FSHR: variants seen among roughly 807,000 people sequenced by gnomAD.
The protein encoded by FSHR is follicle stimulating hormone receptor, also known as follicle-stimulating hormone receptor.
In FSHR, 46 loss-of-function variants were observed where a neutral mutation model predicts 52.1. The ratio of observed to expected loss-of-function variants is 0.88; its 90% CI spans 0.70 to 1.13. FSHR has a LOEUF of 1.13. Among genes scored for constraint, FSHR ranks in the 50% most tolerant of loss-of-function variants. The pLI, the probability that FSHR is intolerant of heterozygous loss-of-function variation, is 0.00. For synonymous variants in FSHR, 399 were observed against 309.6 expected (o/e 1.29, Z -3.03); for missense variants, 964 against 834.6 (o/e 1.16, Z -1.91).
intron 4 of FSHR, among the ~76,000 whole-genome samples, chr2:49,004,884 C>T (rs1667024706): frequency 6.6e-6 from 1 of 152,058 alleles, no homozygotes; most frequent in South Asian, 2.1e-4. Flanking sequence ...AAGGCATATC[C>T]TATGAAAATA....
At chr2:49,064,684 C>T (rs1031143405) in intron 2 of FSHR, among the ~76,000 whole-genome samples, 24 of 152,164 alleles carry the variant, frequency 1.6e-4, no homozygotes, top group Admixed American at 9.2e-4. Context: ...AGACGTGTAA[C>T]GAGGTAAAAA....
At chr2:48,968,975 A>T (rs1674609627) in intron 8 of FSHR, 92 bp from the exon 9 acceptor site, 1 of 1,101,218 alleles carries the variant, frequency 9.1e-7, no homozygotes. Context: ...CACACTAGTG[A>T]TATTCTTACA....
intron 4 of FSHR, among the ~76,000 whole-genome samples, chr2:49,000,676 G>A (rs1370699440): frequency 1.3e-5 from 2 of 152,140 alleles, no homozygotes; most frequent in African/African-American, 2.4e-5. Flanking sequence ...GAAAGCTGTA[G>A]ATTTTTCCCT....
intron 2 of FSHR, among the ~76,000 whole-genome samples, chr2:49,062,276 G>A (rs917333050): frequency 3.3e-5 from 5 of 152,088 alleles, no homozygotes; most frequent in Non-Finnish European, 5.9e-5. Context: ...TTATAGTGAA[G>A]TGATTTTCAA....
At chr2:49,133,119 A>G (rs1672352802) in intron 1 of FSHR, among the ~76,000 whole-genome samples, 1 of 152,062 alleles carries the variant, frequency 6.6e-6, no homozygotes, top group Admixed American at 6.5e-5. Flanking sequence ...CTAGCTCCTA[A>G]CTATAGGACT....
chr2:49,093,209 T>A (rs1670679474), intron 1 of FSHR, among the ~76,000 whole-genome samples: 1 of 152,190 alleles, frequency 6.6e-6, no homozygotes, highest in Non-Finnish European at 1.5e-5. Flanking sequence ...TCAATTAGAT[T>A]TAGTTGGCTG....
chr2:49,060,810 C>T (rs1669261486), intron 2 of FSHR, among the ~76,000 whole-genome samples: 1 of 152,026 alleles, frequency 6.6e-6, no homozygotes. Flanking sequence ...ATCCATGTAC[C>T]CACTCCCCCC....
intron 1 of FSHR, among the ~76,000 whole-genome samples, chr2:49,120,094 G>A (rs868167599): frequency 1.3e-5 from 2 of 152,000 alleles, no homozygotes; most frequent in Non-Finnish European, 2.9e-5. Context: ...ACATGGTGAC[G>A]CCCCATCTCT....
chr2:49,102,593 G>T (rs1671072610), intron 1 of FSHR, among the ~76,000 whole-genome samples: 1 of 152,150 alleles, frequency 6.6e-6, no homozygotes, highest in Admixed American at 6.6e-5. Context: ...AGAATGATGT[G>T]CTCTGAAAGT....
In FSHR at chr2:49,072,113, T is replaced by G. The variant is rs72822010; in HGVS notation, c.153-3823A>C. ...GAAAATTAGTATTAAAAAATTACTT[T>G]CTTTGATGATGATGCTATTAAATTA... On this transcript the variant is annotated intron_variant, in intron 1 of 9. Transcript: ENST00000406846. 6.3e-3 allele frequency among the ~76,000 whole-genome samples: 958 copies of G among 152,296 alleles called. 8 individuals carry two copies. The highest frequency in any genetic ancestry group is 0.01 in the Non-Finnish European group (684 of 68,028).
intron 1 of FSHR, among the ~76,000 whole-genome samples, chr2:49,138,858 G>GT (rs968044053): frequency 5.8e-4 from 88 of 151,502 alleles, no homozygotes; most frequent in East Asian, 2.3e-3. Flanking sequence ...GCTCAAAGCT[G>GT]TTTTTTTTTA....
At chr2:49,150,401 C>G (rs949537543) in intron 1 of FSHR, among the ~76,000 whole-genome samples, 1 of 152,046 alleles carries the variant, frequency 6.6e-6, no homozygotes, top group Non-Finnish European at 1.5e-5. Context: ...TGACTTGGTC[C>G]TCACGAAAGC....
intron 1 of FSHR, among the ~76,000 whole-genome samples, chr2:49,119,833 T>C (rs1029623090): frequency 3.9e-5 from 6 of 152,218 alleles, no homozygotes; most frequent in Non-Finnish European, 8.8e-5. Context: ...TTGCACAACC[T>C]GGCTGAACCT....
At chr2:48,990,330 A>G (rs1329086307) in intron 5 of FSHR, among the ~76,000 whole-genome samples, 1 of 152,156 alleles carries the variant, frequency 6.6e-6, no homozygotes, top group Non-Finnish European at 1.5e-5. Flanking sequence ...ATTTTGCTAC[A>G]TGCTGGTTTT....
At chr2:49,082,105 A>C (rs546002311) in intron 1 of FSHR, among the ~76,000 whole-genome samples, 1 of 152,130 alleles carries the variant, frequency 6.6e-6, no homozygotes, top group East Asian at 1.9e-4. Context: ...CTGCATTTCC[A>C]TCTGAGCTTT....
chr2:49,018,138 T>C (rs557538033), intron 3 of FSHR, among the ~76,000 whole-genome samples: 3 of 152,292 alleles, frequency 2.0e-5, no homozygotes, highest in Non-Finnish European at 2.9e-5. Flanking sequence ...ATCTTTTTGC[T>C]TTTAAGCATG....
At chr2:49,152,691 C>A (rs1673106708) in intron 1 of FSHR, among the ~76,000 whole-genome samples, 1 of 152,038 alleles carries the variant, frequency 6.6e-6, no homozygotes, top group Admixed American at 6.6e-5. Context: ...ACTGCTTGAC[C>A]CACATGGAAA....
At chr2:49,077,987 C>G (rs1423963068) in intron 1 of FSHR, among the ~76,000 whole-genome samples, 8 of 152,032 alleles carry the variant, frequency 5.3e-5, no homozygotes, top group African/African-American at 1.9e-4. Context: ...TGTCTTCTGC[C>G]TGTTTCCAAC....
chr2:49,011,637 C>T (rs548386527), intron 4 of FSHR, among the ~76,000 whole-genome samples: 67 of 152,160 alleles, frequency 4.4e-4, no homozygotes, highest in Non-Finnish European at 7.9e-4. Context: ...ACTCGATGAA[C>T]ACAACTCGGT....
Sources: gnomAD v4.1 joint callset for allele counts (sites outside exome capture counted in the v4.1 genomes callset) on GRCh38, gnomAD v4.1.1 for gene constraint, MANE v1.5 for transcripts, NCBI Gene and HGNC (gene_info 2026-07-23, HGNC 2026-07-21) for gene names.